CYP17A1: variants seen among roughly 807,000 people sequenced by gnomAD.
The protein encoded by CYP17A1 is steroid 17-alpha-hydroxylase/17,20 lyase.
A neutral mutation model predicts 38.5 loss-of-function variants in CYP17A1; 27 were observed. The observed-to-expected ratio is 0.70, with a 90% confidence interval of 0.52 to 0.97. The LOEUF is 0.97. Among genes scored for constraint, CYP17A1 ranks in the 50% least tolerant of loss-of-function variants. CYP17A1 has a pLI of 0.00. For synonymous variants in CYP17A1, 263 were observed against 253.3 expected (o/e 1.04, Z -0.36); for missense variants, 549 against 645.9 (o/e 0.85, Z 1.63).
In CYP17A1 at chr10:102,837,214, G is replaced by A; in HGVS notation, c.148C>T (p.His50Tyr). Reference protein sequence around the residue: ...LPFLPRHGHMHNNFFKLQKKY... With the variant: ...LPFLPRHGHMYNNFFKLQKKY... ...TTCTGCAGCTTGAAGAAGTTGTTAT[G>A]CATATGGCCGTGTCTGGGGAGGAAT... The change falls in exon 1 of 8, where the codon CAT (histidine) becomes TAT (tyrosine). Residue 50 changes from histidine (H) to tyrosine (Y), a missense_variant. This residue lies in a region of CYP17A1 where 289 missense variants were observed against 320.9 expected (regional missense o/e 0.90). Coordinates refer to ENST00000369887, the MANE Select transcript of CYP17A1 (RefSeq NM_000102.4). 1 of 1,608,916 alleles carries A rather than the reference G, an allele frequency of 6.2e-7. No homozygotes were observed. Among genetic ancestry groups the A allele is most frequent in the Non-Finnish European group, 8.5e-7 (1 of 1,175,256 alleles).
intron 4 of CYP17A1, 26 bp from the exon 5 acceptor site, chr10:102,833,234 T>C: frequency 6.8e-6 from 11 of 1,613,892 alleles, no homozygotes; most frequent in Non-Finnish European, 9.3e-6. Context: ...TTGGGAGACA[T>C]TAATAAGGAA....
chr10:102,834,453 G>T, intron 3 of CYP17A1: 1 of 552,708 alleles, frequency 1.8e-6, no homozygotes, highest in Non-Finnish European at 3.3e-6. Context: ...ACCCCGCTAA[G>T]CCTGCTTCTC....
chr10:102,837,168 G>A lies in CYP17A1; in HGVS notation c.194C>T (p.Ser65Leu), dbSNP rs906926519. Residue 65 changes from serine to leucine, a missense_variant, in exon 1 of 8, where the codon TCG (serine) becomes TTG (leucine). Ser to Leu is a moderately radical substitution (Grantham distance 145). Coordinates refer to ENST00000369887, the MANE Select transcript of CYP17A1 (RefSeq NM_000102.4). The stretch of plus-strand genomic sequence containing the variant: ...TGTAGTCTTGGTGCCCATACGAACC[G>A]AATAGATGGGGCCATATTTTTTCTG... ...KLQKKYGPIY[S>L]VRMGTKTTVI... 1.0e-5 allele frequency: 16 copies of A among 1,593,542 alleles called. No individual in the cohort carries two copies. The highest frequency in any genetic ancestry group is 1.7e-4 in the Middle Eastern group (1 of 6,040).
At position 102,830,997 on chromosome 10, in the gene CYP17A1, G is replaced by A. The variant is rs1347291202; in HGVS notation, c.1244-12C>T. ...ATTCAAGAAACGCTCTGCAGGCAAG[G>A]AGTGGCATCAGCCAGGGGTTAGGGC... On this transcript the variant is annotated splice_polypyrimidine_tract_variant and intron_variant, in intron 7 of 7. Transcript: ENST00000369887. The surrounding 1 kb of genome is among the most constrained non-coding windows in gnomAD (Gnocchi z 4.1). 6 of 1,552,740 alleles carry A rather than the reference G, an allele frequency of 3.9e-6. No homozygotes were observed. Among genetic ancestry groups the A allele is most frequent in the Admixed American group, 1.9e-5 (1 of 53,536 alleles).
Position 102,831,425 on chromosome 10 carries a change from G to T in CYP17A1, c.1243+83C>A, listed in dbSNP as rs284849. The T allele has an allele frequency of 0.19, 303,697 of 1,579,362 alleles. 31,228 individuals are homozygous for T. Among genetic ancestry groups the T allele is most frequent in the Admixed American group, 0.27 (15,134 of 55,062 alleles). On this transcript the variant is annotated intron_variant, in intron 7 of 7. Transcript: ENST00000369887. ...CCAAGAGTTTTCTAGCAGCAAGCTT[G>T]GCAGAGGTGAAGGGGTACTGGGGTG...
At position 102,835,239 on chromosome 10, in the gene CYP17A1, C is replaced by T; in HGVS notation, c.436+15G>A. 3 of 1,609,668 alleles carry T rather than the reference C, an allele frequency of 1.9e-6. No homozygotes were observed. The highest frequency in any genetic ancestry group is 2.6e-6 in the Non-Finnish European group (3 of 1,176,148). ...GGGATCCAGCCCCAGCCCCAGGGGC[C>T]AGCCTGGCACTCACTGATCTTCTCC... On this transcript the variant is annotated intron_variant, in intron 2 of 7. Coordinates refer to ENST00000369887, the MANE Select transcript of CYP17A1 (RefSeq NM_000102.4).
rs760814904 is a variant in CYP17A1 at position 102,833,066 on chromosome 10, ATG to A, written c.894_895del (p.Ile299LeufsTer13). The A allele has an allele frequency of 5.0e-6, 8 of 1,613,960 alleles. No individual in the cohort carries two copies. On this transcript the variant is annotated frameshift_variant, in exon 5 of 8. Coordinates refer to ENST00000369887, the MANE Select transcript of CYP17A1 (RefSeq NM_000102.4). LOFTEE classifies it high-confidence loss of function. ...GGTGGTCTCCACGCCAGCCCCAAAG[ATG>A]TCCCCTATGGTGGTGAGAATGTGGT...
chr10:102,831,040 T>C (rs184803795), intron 7 of CYP17A1, 55 bp from the exon 8 acceptor site: 38 of 1,221,912 alleles, frequency 3.1e-5, no homozygotes, highest in Non-Finnish European at 4.0e-5. Context: ...AGGAGAGGCA[T>C]GGTTCTGCCC....
At chr10:102,833,943 T>C (rs942217160) in intron 4 of CYP17A1, 93 bp downstream of exon 4, 1 of 758,776 alleles carries the variant, frequency 1.3e-6, no homozygotes, top group East Asian at 2.5e-5. Context: ...CTCTGCTTGG[T>C]TTTGAAGCTT....
Position 102,837,102 on chromosome 10 carries a change from A to G in CYP17A1, c.260T>C (p.Ile87Thr). The change falls in exon 1 of 8, where the codon ATT becomes ACT. Residue 87 changes from isoleucine (I) to threonine (T), a missense_variant. Ile to Thr is a moderately conservative substitution (Grantham distance 89). This residue lies in a region of CYP17A1 where 289 missense variants were observed against 320.9 expected (regional missense o/e 0.90). Transcript: ENST00000369887. ...CCCAGAGAAGTCCTTGCCCTTCTTA[A>G]TAAGCACCTCCTTGGCCAGCTGGTG... The part of the protein sequence containing the change: ...GHHQLAKEVL[I>T]KKGKDFSGRP... 1 of 1,609,366 alleles carries G rather than the reference A, an allele frequency of 6.2e-7. No homozygotes were observed. Among genetic ancestry groups the G allele is most frequent in the East Asian group, 2.2e-5 (1 of 44,856 alleles).
chr10:102,833,966 G>A, intron 4 of CYP17A1, 70 bp downstream of exon 4: 1 of 813,172 alleles, frequency 1.2e-6, no homozygotes, highest in South Asian at 1.4e-5. Flanking sequence ...ACAGTGTGTA[G>A]AATGGACTCC....
At chr10:102,831,124 C>T (rs1416073559) in intron 7 of CYP17A1, 139 bp from the exon 8 acceptor site, 24 of 733,578 alleles carry the variant, frequency 3.3e-5, no homozygotes, top group Admixed American at 2.2e-4. Flanking sequence ...GGGGAACCCC[C>T]GCCTGGGGAG....
Position 102,837,143 on chromosome 10 carries a change from T to C in CYP17A1, c.219A>G (p.Thr73=), listed in dbSNP as rs781079819. ...IYSVRMGTKT[T]VIVGHHQLAK... ...CCAGCTGGTGGTGGCCGACAATCAC[T>C]GTAGTCTTGGTGCCCATACGAACCG... Residue 73 remains threonine, a synonymous_variant, in exon 1 of 8, where the codon ACA becomes ACG. Transcript: ENST00000369887. 30 of 1,599,368 alleles carry C rather than the reference T, an allele frequency of 1.9e-5. No homozygotes were observed. The highest frequency in any genetic ancestry group is 1.6e-4 in the Middle Eastern group (1 of 6,066).
chr10:102,835,458 T>G, intron 1 of CYP17A1, 66 bp from the exon 2 acceptor site: 4 of 1,360,276 alleles, frequency 2.9e-6, no homozygotes, highest in Non-Finnish European at 4.2e-6. Context: ...CTTACACCTC[T>G]GGTCCCTGCT....
chr10:102,834,950 G>A lies in CYP17A1; in HGVS notation c.501C>T (p.Ile167=). The part of the protein sequence containing the change: ...LATHNGQSID[I]SFPVFVAVTN... ...TTACCGCCACGAAGACAGGAAAGGA[G>A]ATGTCTATGGACTGTCCGTTGTGGG... is the stretch of plus-strand genomic sequence containing the variant. Residue 167 remains isoleucine, a synonymous_variant, in exon 3 of 8, where the codon ATC becomes ATT. Transcript: ENST00000369887. 1.2e-6 allele frequency: 2 copies of A among 1,612,838 alleles called. No homozygotes were observed. Among genetic ancestry groups the A allele is most frequent in the African/African-American group, 1.3e-5 (1 of 75,006 alleles).
chr10:102,831,482 C>G (rs1314173101), intron 7 of CYP17A1, 26 bp downstream of exon 7: 1 of 1,613,170 alleles, frequency 6.2e-7, no homozygotes, highest in Non-Finnish European at 8.5e-7. Flanking sequence ...CTGTGTGGCC[C>G]AGGGCGCAGG....
At chr10:102,832,757 T>C in intron 5 of CYP17A1, 77 bp from the exon 6 acceptor site, 1 of 1,254,224 alleles carries the variant, frequency 8.0e-7, no homozygotes, top group South Asian at 1.2e-5. Flanking sequence ...AGAATCCAAC[T>C]GTGACATCGA....
intron 3 of CYP17A1, 57 bp from the exon 4 acceptor site, chr10:102,834,179 G>T: frequency 1.2e-6 from 1 of 832,128 alleles, no homozygotes; most frequent in Non-Finnish European, 2.1e-6. Flanking sequence ...TTCTCCAGCT[G>T]CCAGAGTCTC....
intron 1 of CYP17A1, among the ~76,000 whole-genome samples, chr10:102,836,043 A>G (rs1485304436): frequency 6.6e-6 from 1 of 152,096 alleles, no homozygotes; most frequent in Non-Finnish European, 1.5e-5. Flanking sequence ...GATCCACATG[A>G]CTAGCCTTCT....
Sources: gnomAD v4.1 joint callset for allele counts (sites outside exome capture counted in the v4.1 genomes callset) on GRCh38, gnomAD v4.1.1 for gene constraint, gnomAD v4.1.1 regional missense constraint, Gnocchi (gnomAD v3.1) non-coding constraint, MANE v1.5 for transcripts, NCBI Gene and HGNC (gene_info 2026-07-23, HGNC 2026-07-21) for gene names.